Variants in RBKS observed in about 807,000 individuals in gnomAD.
The protein encoded by RBKS is ribokinase.
RBKS carries 33 observed loss-of-function variants against 33.9 expected under a neutral mutation model. That is an observed-to-expected ratio of 0.97 (90% CI 0.74 to 1.30). RBKS has a LOEUF of 1.30. Among genes scored for constraint, RBKS ranks in the 50% most tolerant of loss-of-function variants. The pLI, the probability that RBKS is intolerant of heterozygous loss-of-function variation, is 0.00. For synonymous variants in RBKS, 125 were observed against 143.0 expected, an observed-to-expected ratio of 0.87 and a Z score of 0.90; for missense variants, 361 against 392.6, an observed-to-expected ratio of 0.92 and a Z score of 0.68.
intron 1 of RBKS, among the ~76,000 whole-genome samples, chr2:27,867,362 C>T (rs1049138603): frequency 1.3e-5 from 2 of 152,112 alleles, no homozygotes; most frequent in African/African-American, 4.8e-5. Context: ...ATAAATAATA[C>T]AATGGGGTGA....
At chr2:27,868,194 T>C (rs979712482) in intron 1 of RBKS, among the ~76,000 whole-genome samples, 1 of 152,220 alleles carries the variant, frequency 6.6e-6, no homozygotes, top group African/African-American at 2.4e-5. Context: ...ATTAGAAGGA[T>C]AAATCAGCAT....
Position 27,886,572 on chromosome 2 carries a change from T to C in RBKS, c.89+3685A>G, listed in dbSNP as rs553284301. ...AGTCAGAGTTAGAGGTAGAATGATA[T>C]AATGGAAAGGTACGAATTGGGGCCA... On this transcript the variant is annotated intron_variant, in intron 1 of 7. Transcript: ENST00000302188. Among the ~76,000 whole-genome samples, 18 of 152,234 alleles carry C rather than the reference T, an allele frequency of 1.2e-4. No individual in the cohort carries two copies. The East Asian group carries it at 2.5e-3, about 21-fold the overall frequency.
chr2:27,830,496 C>A (rs1231748902), intron 6 of RBKS, among the ~76,000 whole-genome samples: 1 of 152,116 alleles, frequency 6.6e-6, no homozygotes, highest in Non-Finnish European at 1.5e-5. Flanking sequence ...GAACTCCTGA[C>A]CTCATGATCT....
chr2:27,828,363 G>T (rs920823926), intron 6 of RBKS, among the ~76,000 whole-genome samples: 1 of 152,068 alleles, frequency 6.6e-6, no homozygotes, highest in Non-Finnish European at 1.5e-5. Flanking sequence ...CCACTGCCAA[G>T]AATTTTAGCA....
chr2:27,796,057 C>A (rs998937667), intron 7 of RBKS, among the ~76,000 whole-genome samples: 1 of 152,166 alleles, frequency 6.6e-6, no homozygotes, highest in African/African-American at 2.4e-5. Context: ...CTGAACTACA[C>A]GTGACTTTCT....
chr2:27,817,395 G>A (rs190120629), intron 7 of RBKS, among the ~76,000 whole-genome samples: 4 of 152,286 alleles, frequency 2.6e-5, no homozygotes, highest in Admixed American at 1.3e-4. Context: ...CTCCAGGTTT[G>A]ATCATTCACT....
At chr2:27,870,361 A>T (rs1291137256) in intron 1 of RBKS, 1 of 161,290 alleles carries the variant, frequency 6.2e-6, no homozygotes, top group African/African-American at 2.4e-5. Context: ...CACACAAGGA[A>T]GCCAGGTTTG....
intron 1 of RBKS, among the ~76,000 whole-genome samples, chr2:27,886,430 T>C (rs1476172761): frequency 6.6e-6 from 1 of 152,224 alleles, no homozygotes; most frequent in Non-Finnish European, 1.5e-5. Flanking sequence ...ATACTATCTT[T>C]AGACTTGAAA....
intron 7 of RBKS, among the ~76,000 whole-genome samples, chr2:27,813,741 C>T (rs761812657): frequency 3.3e-5 from 5 of 151,646 alleles, no homozygotes; most frequent in Non-Finnish European, 5.9e-5. Flanking sequence ...AGGGGAAAGG[C>T]AACAATAAGA....
At chr2:27,818,722 C>T (rs1678144518) in intron 7 of RBKS, among the ~76,000 whole-genome samples, 1 of 152,086 alleles carries the variant, frequency 6.6e-6, no homozygotes, top group Non-Finnish European at 1.5e-5. Context: ...ATCCTCATGC[C>T]CCCAAAGAAT....
In RBKS at chr2:27,782,578, G is replaced by T. The variant is rs1312731694; in HGVS notation, c.796-790C>A. 8.6e-6 allele frequency: 4 copies of T among 463,696 alleles called. No individual in the cohort carries two copies. In the Admixed American group the frequency reaches 9.5e-5, roughly 11 times the overall value. The allele number at this position is 463,696 out of a possible 1,614,324, so 28.7% of individuals were successfully genotyped here. ...ATGTCCGTTTTTCTTACAGGCTGTGGTTATGGTTTTTGGAAGACCACAGAG... is the reference window on the plus strand; with the variant it reads ...ATGTCCGTTTTTCTTACAGGCTGTGTTTATGGTTTTTGGAAGACCACAGAG... On this transcript the variant is annotated intron_variant, in intron 7 of 7. Coordinates refer to ENST00000302188, the MANE Select transcript of RBKS (RefSeq NM_022128.3).
chr2:27,854,654 C>T lies in RBKS; in HGVS notation c.222+3785G>A, dbSNP rs1316813858. Among the ~76,000 whole-genome samples the T allele has an allele frequency of 2.0e-5, 3 of 152,018 alleles. No homozygotes were observed. In the East Asian group the frequency reaches 5.8e-4, roughly 29 times the overall value. On this transcript the variant is annotated intron_variant, in intron 2 of 7. Transcript: ENST00000302188. ...CTTAATTAGCATATAATTTAAAGTA[C>T]ATGTAAATATAGTTGCTAACAGCCC...
intron 1 of RBKS, among the ~76,000 whole-genome samples, chr2:27,866,334 G>C (rs1664098002): frequency 6.6e-6 from 1 of 152,038 alleles, no homozygotes; most frequent in South Asian, 2.1e-4. Context: ...ACCTCTGGAT[G>C]CTTTTAAGAG....
At chr2:27,818,719 T>C (rs1216910598) in intron 7 of RBKS, among the ~76,000 whole-genome samples, 1 of 152,214 alleles carries the variant, frequency 6.6e-6, no homozygotes, top group Non-Finnish European at 1.5e-5. Flanking sequence ...AGAATCCTCA[T>C]GCCCCCAAAG....
chr2:27,804,309 A>G (rs1677856956), intron 7 of RBKS, among the ~76,000 whole-genome samples: 1 of 152,136 alleles, frequency 6.6e-6, no homozygotes, highest in African/African-American at 2.4e-5. Flanking sequence ...CATCACCACA[A>G]TCTAATTTTA....
chr2:27,840,181 G>A (rs538590542), intron 5 of RBKS, among the ~76,000 whole-genome samples: 5 of 151,510 alleles, frequency 3.3e-5, no homozygotes, highest in South Asian at 4.2e-4. Flanking sequence ...CACCATGCCC[G>A]GCTAATTTTT....
intron 1 of RBKS, among the ~76,000 whole-genome samples, chr2:27,879,855 C>G (rs1558558641): frequency 6.6e-6 from 1 of 152,068 alleles, no homozygotes; most frequent in Non-Finnish European, 1.5e-5. Context: ...AAATAGCCTA[C>G]CAACTAAAAA....
intron 7 of RBKS, among the ~76,000 whole-genome samples, chr2:27,791,803 C>T (rs554032255): frequency 6.6e-6 from 1 of 152,092 alleles, no homozygotes; most frequent in East Asian, 1.9e-4. Flanking sequence ...CAACAGAAAG[C>T]AGGCCAGGGG....
In RBKS at chr2:27,827,723, G is replaced by C; in HGVS notation, c.639C>G (p.Ser213Arg). ...AEILTGLTVG[S>R]AADAGEAALV... ...ATGCAGCCTCCCCAGCATCTGCAGC[G>C]CTGCCCACCGTGAGGCCAGTTAAAA... Residue 213 changes from serine (S) to arginine (R), a missense_variant, in exon 7 of 8, where the codon AGC becomes AGG. Transcript: ENST00000302188. 6.2e-7 allele frequency: 1 copy of C among 1,607,748 alleles called. No homozygotes were observed. Among genetic ancestry groups the C allele is most frequent in the Non-Finnish European group, 8.5e-7 (1 of 1,177,834 alleles).
Sources: allele counts gnomAD v4.1 joint callset (sites outside exome capture counted in the v4.1 genomes callset), GRCh38; gene constraint gnomAD v4.1.1; transcripts MANE v1.5; gene names NCBI Gene and HGNC (gene_info 2026-07-23, HGNC 2026-07-21).